The following PDIA5 variants were observed in gnomAD, a reference collection of about 807,000 sequenced individuals.
The protein encoded by PDIA5 is protein disulfide-isomerase A5.
In PDIA5, 58 loss-of-function variants were observed where a neutral mutation model predicts 77.6. The observed-to-expected ratio is 0.75, with a 90% confidence interval of 0.61 to 0.93. The LOEUF is 0.93. PDIA5 is among the 40% of genes least tolerant of loss of function. The probability of loss-of-function intolerance (pLI) is 0.00; values close to 1 mark genes in which losing one functional copy is unlikely to be tolerated. For missense variants in PDIA5, 630 were observed against 647.7 expected (o/e 0.97, Z 0.30); for synonymous variants, 250 against 252.1 (o/e 0.99, Z 0.08).
chr3:123,118,513 T>A (rs912211922), intron 8 of PDIA5, among the ~76,000 whole-genome samples: 18 of 152,070 alleles, frequency 1.2e-4, no homozygotes, highest in African/African-American at 4.3e-4. Flanking sequence ...TCAGTGCATC[T>A]CGTGGGCCAT....
intron 11 of PDIA5, among the ~76,000 whole-genome samples, chr3:123,144,059 T>A (rs567191339): frequency 6.6e-6 from 1 of 152,104 alleles, no homozygotes. Flanking sequence ...AATGGAGAGA[T>A]TAAGAACGAG....
At chr3:123,072,207 T>C (rs1461228538) in intron 1 of PDIA5, among the ~76,000 whole-genome samples, 8 of 152,182 alleles carry the variant, frequency 5.3e-5, no homozygotes, top group East Asian at 1.9e-4. Context: ...TCAAGTGTTA[T>C]GTAGTGGAAA....
chr3:123,067,397 G>A (rs1933596967), intron 1 of PDIA5, 191 bp downstream of exon 1: 1 of 467,432 alleles, frequency 2.1e-6, no homozygotes, highest in Non-Finnish European at 3.4e-6. Flanking sequence ...TGCCCTCGCC[G>A]CCAAGCGCTC....
At chr3:123,081,087 C>T (rs1401034261) in intron 1 of PDIA5, among the ~76,000 whole-genome samples, 1 of 152,176 alleles carries the variant, frequency 6.6e-6, no homozygotes, top group Admixed American at 6.5e-5. Context: ...TGGAACATGG[C>T]CCCCTTGCTG....
rs555170829 is a variant in PDIA5 at position 123,095,039 on chromosome 3, C to T, written c.257+2597C>T. On this transcript the variant is annotated intron_variant, in intron 3 of 16. Transcript: ENST00000316218. Reference sequence around the variant, plus strand: ...CAGGTGTGTGGAATAAGGGAGAAAGCCTTGGGCTTAGGAGGGGGCCCGGGC... The same window carrying T: ...CAGGTGTGTGGAATAAGGGAGAAAGTCTTGGGCTTAGGAGGGGGCCCGGGC... Among the ~76,000 whole-genome samples the T allele has an allele frequency of 2.6e-5, 4 of 152,260 alleles. No individual in the cohort carries two copies. In the South Asian group the frequency reaches 8.3e-4, roughly 32 times the overall value.
chr3:123,113,550 A>C (rs1175327030), intron 7 of PDIA5, among the ~76,000 whole-genome samples: 1 of 152,006 alleles, frequency 6.6e-6, no homozygotes, highest in Non-Finnish European at 1.5e-5. Context: ...GATCGGTTGC[A>C]CTCCTAGGTC....
At chr3:123,142,822 G>C (rs1935673959) in intron 11 of PDIA5, among the ~76,000 whole-genome samples, 1 of 152,106 alleles carries the variant, frequency 6.6e-6, no homozygotes, top group South Asian at 2.1e-4. Flanking sequence ...ATTGAGCATG[G>C]GGACGTCCTC....
intron 3 of PDIA5, among the ~76,000 whole-genome samples, chr3:123,101,437 A>G (rs911752990): frequency 6.6e-6 from 1 of 152,198 alleles, no homozygotes; most frequent in African/African-American, 2.4e-5. Flanking sequence ...TAAACAGGGA[A>G]TGGCACCTCA....
At chr3:123,120,863 T>C (rs2107953262) in intron 8 of PDIA5, among the ~76,000 whole-genome samples, 1 of 151,430 alleles carries the variant, frequency 6.6e-6, no homozygotes, top group Admixed American at 6.6e-5. Context: ...CCCTTCATCC[T>C]CTCCCTGCCC....
chr3:123,138,340 A>G (rs895229448), intron 11 of PDIA5, among the ~76,000 whole-genome samples: 2 of 152,182 alleles, frequency 1.3e-5, no homozygotes, highest in Non-Finnish European at 2.9e-5. Context: ...GTTATTAAAA[A>G]TGCTTTTTTT....
At chr3:123,073,857 C>T (rs1259554886) in intron 1 of PDIA5, among the ~76,000 whole-genome samples, 2 of 152,212 alleles carry the variant, frequency 1.3e-5, no homozygotes, top group African/African-American at 4.8e-5. Flanking sequence ...TGAGCAGGTC[C>T]TTTAATCCTT....
chr3:123,135,745 C>CTTTTTTTTTTTTT (rs766560888), intron 11 of PDIA5, among the ~76,000 whole-genome samples: 9 of 80,466 alleles, frequency 1.1e-4, no homozygotes, highest in African/African-American at 2.7e-4. Flanking sequence ...GAGGTAACAA[C>CTTTTTTTTTTTTT]TTTTTTTTTT....
chr3:123,084,566 G>A (rs140665200), intron 1 of PDIA5, among the ~76,000 whole-genome samples: 1,653 of 152,126 alleles, frequency 0.011, 29 homozygotes, highest in African/African-American at 0.038. Context: ...TTGCAACCTG[G>A]AGGAGGCCTG....
chr3:123,080,799 A>T (rs1341927607), intron 1 of PDIA5, among the ~76,000 whole-genome samples: 1 of 152,152 alleles, frequency 6.6e-6, no homozygotes, highest in African/African-American at 2.4e-5. Context: ...CCTTAAAAAG[A>T]TCATTTATTT....
At chr3:123,106,377 T>C (rs1576445468) in intron 5 of PDIA5, among the ~76,000 whole-genome samples, 1 of 152,372 alleles carries the variant, frequency 6.6e-6, no homozygotes, top group Non-Finnish European at 1.5e-5. Context: ...AAAGACTTCT[T>C]GGAGGAGATG....
intron 1 of PDIA5, among the ~76,000 whole-genome samples, chr3:123,085,056 C>T (rs1269167405): frequency 3.3e-5 from 5 of 152,198 alleles, no homozygotes; most frequent in Admixed American, 3.3e-4. Flanking sequence ...GCCCAGACAC[C>T]CCCTGAGCTG....
chr3:123,087,430 C>T (rs564582435), intron 1 of PDIA5, among the ~76,000 whole-genome samples: 56 of 148,436 alleles, frequency 3.8e-4, no homozygotes, highest in African/African-American at 1.2e-3. Context: ...TTCTTAAGTC[C>T]TTTTTTATTT....
intron 1 of PDIA5, among the ~76,000 whole-genome samples, chr3:123,072,842 A>G (rs894697975): frequency 6.6e-6 from 1 of 151,992 alleles, no homozygotes; most frequent in Non-Finnish European, 1.5e-5. Flanking sequence ...TGCATGGGGT[A>G]TAAGGAGAGG....
chr3:123,083,351 G>A (rs1934060878), intron 1 of PDIA5, among the ~76,000 whole-genome samples: 1 of 152,170 alleles, frequency 6.6e-6, no homozygotes, highest in African/African-American at 2.4e-5. Flanking sequence ...AGCAGAAAAG[G>A]GGAAAGCCAT....
Sources: allele counts gnomAD v4.1 joint callset (sites outside exome capture counted in the v4.1 genomes callset), GRCh38; gene constraint gnomAD v4.1.1; transcripts MANE v1.5; gene names NCBI Gene and HGNC (gene_info 2026-07-23, HGNC 2026-07-21).